CNTNAP2: variants seen among roughly 807,000 people sequenced by gnomAD.
The protein encoded by CNTNAP2 is contactin-associated protein-like 2.
In CNTNAP2, 98 loss-of-function variants were observed where a neutral mutation model predicts 155.2. The ratio of observed to expected loss-of-function variants is 0.63; its 90% CI spans 0.54 to 0.75. The LOEUF (loss-of-function observed/expected upper bound fraction) is 0.75, where lower values mean the gene tolerates loss of function less well. Ranked by LOEUF, CNTNAP2 falls within the 30% of genes least tolerant of loss-of-function variation. The probability of loss-of-function intolerance (pLI) is 0.00; values close to 1 mark genes in which losing one functional copy is unlikely to be tolerated. For missense variants in CNTNAP2, 1,727 were observed against 1,688.1 expected, an observed-to-expected ratio of 1.02 and a Z score of -0.40; for synonymous variants, 651 against 631.2, an observed-to-expected ratio of 1.03 and a Z score of -0.47.
At chr7:146,166,607 A>G (rs1798316487) in intron 1 of CNTNAP2, among the ~76,000 whole-genome samples, 1 of 152,212 alleles carries the variant, frequency 6.6e-6, no homozygotes, top group South Asian at 2.1e-4. Context: ...ACGGTTGCAT[A>G]CTAGTTATTA....
intron 13 of CNTNAP2, among the ~76,000 whole-genome samples, chr7:147,808,656 T>C (rs979648124): frequency 4.6e-5 from 7 of 152,210 alleles, no homozygotes; most frequent in African/African-American, 1.7e-4. Flanking sequence ...GAAGACCACA[T>C]AAAAATGCTG....
chr7:146,284,825 G>T (rs992449665), intron 1 of CNTNAP2, among the ~76,000 whole-genome samples: 2 of 152,110 alleles, frequency 1.3e-5, no homozygotes, highest in African/African-American at 2.4e-5. Flanking sequence ...AACACCACTC[G>T]TCTCTGATCA....
At chr7:147,511,217 T>C (rs919744987) in intron 11 of CNTNAP2, among the ~76,000 whole-genome samples, 1 of 152,050 alleles carries the variant, frequency 6.6e-6, no homozygotes, top group African/African-American at 2.4e-5. Context: ...CTTTATTATG[T>C]CAGTGACAAA....
At chr7:148,012,350 G>C (rs1219578255) in intron 15 of CNTNAP2, among the ~76,000 whole-genome samples, 3 of 152,160 alleles carry the variant, frequency 2.0e-5, no homozygotes, top group Non-Finnish European at 4.4e-5. Context: ...AGAACCCCTA[G>C]TCTGTCATAA....
chr7:147,260,874 T>C lies in CNTNAP2; in HGVS notation c.1349-39267T>C, dbSNP rs139951269. 1.1e-4 allele frequency among the ~76,000 whole-genome samples: 17 copies of C among 152,304 alleles called. No homozygotes were observed. The East Asian group carries it at 3.1e-3, about 28-fold the overall frequency. On this transcript the variant is annotated intron_variant, in intron 8 of 23. Transcript: ENST00000361727. ...AGCTGCATCAGTATTACTTTACAACTTGCCAAAAGGTAAATACTTGGCACT... is the reference window on the plus strand; with the variant it reads ...AGCTGCATCAGTATTACTTTACAACCTGCCAAAAGGTAAATACTTGGCACT...
chr7:147,621,485 CAGA>C (rs140992806), intron 12 of CNTNAP2, among the ~76,000 whole-genome samples: 1,875 of 151,812 alleles, frequency 0.012, 48 homozygotes, highest in African/African-American at 0.043. Flanking sequence ...AGTTAAAAAG[CAGA>C]AGGATAGAGG....
At chr7:148,289,153 G>T (rs181866279) in intron 21 of CNTNAP2, among the ~76,000 whole-genome samples, 55 of 152,226 alleles carry the variant, frequency 3.6e-4, no homozygotes, top group South Asian at 6.2e-4. Flanking sequence ...AGAAATTTCA[G>T]TTGTCTCCCA....
At chr7:146,521,981 ATAAGAG>A (rs1797622829) in intron 1 of CNTNAP2, among the ~76,000 whole-genome samples, 2 of 152,056 alleles carry the variant, frequency 1.3e-5, no homozygotes, top group African/African-American at 4.8e-5. Context: ...GTTTTTAGTA[ATAAGAG>A]TAAATCAATG....
At chr7:146,603,525 C>A (rs1307120099) in intron 1 of CNTNAP2, among the ~76,000 whole-genome samples, 1 of 150,312 alleles carries the variant, frequency 6.7e-6, no homozygotes, top group East Asian at 2.0e-4. Flanking sequence ...TCAATGCCAT[C>A]CCCATCAAGC....
At position 148,070,281 on chromosome 7, in the gene CNTNAP2, T is replaced by C. The variant is rs1290387155; in HGVS notation, c.2384-47837T>C. Among the ~76,000 whole-genome samples, 4 of 152,202 alleles carry C rather than the reference T, an allele frequency of 2.6e-5. No homozygotes were observed. The East Asian group carries it at 5.8e-4, about 22-fold the overall frequency. On this transcript the variant is annotated intron_variant, in intron 15 of 23. Coordinates refer to ENST00000361727, the MANE Select transcript of CNTNAP2 (RefSeq NM_014141.6). ...GGCAAGGACATAGAATCCTCTGAAATAGACATTGCACTGAGAAGTCTATCA... is the reference window on the plus strand; with the variant it reads ...GGCAAGGACATAGAATCCTCTGAAACAGACATTGCACTGAGAAGTCTATCA...
At chr7:146,937,055 G>A (rs1029523293) in intron 3 of CNTNAP2, among the ~76,000 whole-genome samples, 6 of 152,138 alleles carry the variant, frequency 3.9e-5, no homozygotes, top group Admixed American at 1.3e-4. Context: ...ACAGTGTTTA[G>A]GAATACCCCA....
intron 8 of CNTNAP2, among the ~76,000 whole-genome samples, chr7:147,228,661 T>A (rs968674670): frequency 1.6e-4 from 24 of 152,350 alleles, no homozygotes; most frequent in African/African-American, 4.6e-4. Flanking sequence ...CTCACTTTTT[T>A]ATTTTTTTAT....
chr7:148,361,374 C>T (rs1465729358), intron 21 of CNTNAP2, among the ~76,000 whole-genome samples: 1 of 152,162 alleles, frequency 6.6e-6, no homozygotes, highest in Non-Finnish European at 1.5e-5. Context: ...GCTGTCATAA[C>T]AAAGTACCAC....
At chr7:147,712,090 C>A (rs960523661) in intron 13 of CNTNAP2, among the ~76,000 whole-genome samples, 1 of 152,146 alleles carries the variant, frequency 6.6e-6, no homozygotes, top group Non-Finnish European at 1.5e-5. Context: ...TCTTGCTCCA[C>A]GTTTCTTACT....
At chr7:146,390,554 C>G (rs1563066132) in intron 1 of CNTNAP2, among the ~76,000 whole-genome samples, 1 of 148,766 alleles carries the variant, frequency 6.7e-6, no homozygotes, top group Non-Finnish European at 1.5e-5. Context: ...TATATACACA[C>G]TATATATATA....
intron 12 of CNTNAP2, among the ~76,000 whole-genome samples, chr7:147,563,504 A>G: frequency 6.6e-6 from 1 of 152,024 alleles, no homozygotes; most frequent in East Asian, 1.9e-4. Context: ...TGGCACACAC[A>G]TGTAGTCCCA....
chr7:146,662,796 T>A (rs1800115644), intron 1 of CNTNAP2, among the ~76,000 whole-genome samples: 1 of 152,224 alleles, frequency 6.6e-6, no homozygotes, highest in Non-Finnish European at 1.5e-5. Context: ...TGCATATGCA[T>A]ATGTAATTGA....
At chr7:146,974,489 A>C (rs1797868436) in intron 3 of CNTNAP2, among the ~76,000 whole-genome samples, 2 of 152,158 alleles carry the variant, frequency 1.3e-5, no homozygotes, top group African/African-American at 4.8e-5. Context: ...TTACTTATTT[A>C]CCTTTAACTA....
intron 1 of CNTNAP2, among the ~76,000 whole-genome samples, chr7:146,338,912 A>G (rs74522009): frequency 6.6e-6 from 1 of 152,056 alleles, no homozygotes; most frequent in Non-Finnish European, 1.5e-5. Flanking sequence ...GCCAGGCACT[A>G]TGGCTCATGC....
Sources: gnomAD v4.1 joint callset for allele counts (sites outside exome capture counted in the v4.1 genomes callset) on GRCh38, gnomAD v4.1.1 for gene constraint, MANE v1.5 for transcripts, NCBI Gene and HGNC (gene_info 2026-07-23, HGNC 2026-07-21) for gene names.